Variants in XPO7 observed in about 807,000 individuals in gnomAD.
The protein encoded by XPO7 is exportin-7.
A neutral mutation model predicts 144.3 loss-of-function variants in XPO7; 21 were observed. The ratio of observed to expected loss-of-function variants is 0.15; its 90% confidence interval spans 0.10 to 0.21. The LOEUF is 0.21. Ranked by LOEUF, XPO7 falls within the 10% of genes least tolerant of loss-of-function variation. XPO7 has a pLI of 1.00. For synonymous variants in XPO7, 580 were observed against 499.6 expected (o/e 1.16, Z -2.15); for missense variants, 808 against 1,325.8 (o/e 0.61, Z 6.06).
At chr8:21,926,589 C>G (rs973068218) in intron 1 of XPO7, among the ~76,000 whole-genome samples, 16 of 151,248 alleles carry the variant, frequency 1.1e-4, no homozygotes, top group African/African-American at 3.9e-4. Flanking sequence ...TCTGCTAACT[C>G]CTGAACTTCA....
chr8:21,949,048 G>A (rs1405288891), intron 1 of XPO7, among the ~76,000 whole-genome samples: 1 of 152,160 alleles, frequency 6.6e-6, no homozygotes, highest in African/African-American at 2.4e-5. Context: ...ACAGATGAAA[G>A]TTTCCACAAG....
chr8:22,005,551 A>G lies in XPO7; in HGVS notation c.*463A>G, dbSNP rs2117417039. On this transcript the variant is annotated 3_prime_UTR_variant, in exon 28 of 28. Transcript: ENST00000252512. The stretch of plus-strand genomic sequence containing the variant: ...GAGGGGTTGTGTATGCGAGTGAAGA[A>G]AATGTGTATTCTGGTGGCCTGAAGC... 6.5e-6 allele frequency: 1 copy of G among 152,978 alleles called. No individual in the cohort carries two copies. Among genetic ancestry groups the G allele is most frequent in the Non-Finnish European group, 1.5e-5 (1 of 68,210 alleles). The allele number at this position is 152,978 out of a possible 1,614,324, so 9.5% of individuals were successfully genotyped here. A position where few individuals can be genotyped will look rare whatever the true frequency, so the allele number is the denominator to read the frequency against.
chr8:21,970,512 A>C (rs1812021505), intron 4 of XPO7, among the ~76,000 whole-genome samples: 1 of 152,206 alleles, frequency 6.6e-6, no homozygotes, highest in African/African-American at 2.4e-5. Flanking sequence ...GGCAAAAACA[A>C]ACCATGTCTC....
chr8:21,921,489 A>G (rs1810285980), intron 1 of XPO7: 2 of 152,154 alleles, frequency 1.3e-5, no homozygotes, highest in Admixed American at 1.3e-4. Context: ...ATGAATATAC[A>G]TCGTGCTATT....
At chr8:21,923,216 C>G (rs1017592869) in intron 1 of XPO7, among the ~76,000 whole-genome samples, 1 of 152,148 alleles carries the variant, frequency 6.6e-6, no homozygotes, top group African/African-American at 2.4e-5. Flanking sequence ...CTGTGCTGGG[C>G]ACTTCAGAGG....
chr8:21,919,737 A>AG lies in XPO7; in HGVS notation c.-27dup, dbSNP rs908748371. ...CCGGCCGAGGTGCGCGCTGGGGGGG[A>AG]GGGGGGGCCGGAGAGGAGCATGAAT... is the stretch of plus-strand genomic sequence containing the variant. On this transcript the variant is annotated 5_prime_UTR_variant, in exon 1 of 28. Coordinates refer to ENST00000252512, the MANE Select transcript of XPO7 (RefSeq NM_015024.5). 13 of 258,804 alleles carry AG rather than the reference A, an allele frequency of 5.0e-5. No individual in the cohort carries two copies. The highest frequency in any genetic ancestry group is 4.4e-4 in the South Asian group (3 of 6,876). 16.0% of individuals were successfully genotyped at this position (258,804 alleles called of 1,614,324 possible).
chr8:21,987,910 T>A, intron 15 of XPO7, 53 bp downstream of exon 15: 1 of 1,570,734 alleles, frequency 6.4e-7, no homozygotes, highest in South Asian at 1.1e-5. Context: ...CTGTTGCAAC[T>A]GTAAAATGTG....
chr8:21,927,977 T>C (rs920635663), intron 1 of XPO7, among the ~76,000 whole-genome samples: 2 of 152,242 alleles, frequency 1.3e-5, no homozygotes, highest in African/African-American at 4.8e-5. Context: ...CTTTCCTTTT[T>C]ACTAAAATTT....
intron 1 of XPO7, among the ~76,000 whole-genome samples, chr8:21,925,595 G>A (rs1251842001): frequency 2.6e-5 from 4 of 152,070 alleles, no homozygotes; most frequent in South Asian, 2.1e-4. Context: ...AGGGAAAGGG[G>A]GATACCAGTA....
At chr8:21,922,659 A>C (rs996335676) in intron 1 of XPO7, among the ~76,000 whole-genome samples, 1 of 152,186 alleles carries the variant, frequency 6.6e-6, no homozygotes, top group African/African-American at 2.4e-5. Flanking sequence ...TGTTAGTTTT[A>C]ATAGTGCTAG....
chr8:21,992,687 T>TA, intron 19 of XPO7, among the ~76,000 whole-genome samples: 1 of 152,320 alleles, frequency 6.6e-6, no homozygotes, highest in East Asian at 1.9e-4. Flanking sequence ...TGGCTAGGAT[T>TA]ATAGGCACGA....
intron 4 of XPO7, among the ~76,000 whole-genome samples, chr8:21,971,433 G>A (rs1165734231): frequency 6.6e-6 from 1 of 152,138 alleles, no homozygotes; most frequent in Non-Finnish European, 1.5e-5. Flanking sequence ...AGTGAGACTG[G>A]ATAAATTTTG....
intron 1 of XPO7, among the ~76,000 whole-genome samples, chr8:21,956,929 AC>A (rs1811555364): frequency 6.6e-6 from 1 of 152,058 alleles, no homozygotes; most frequent in Non-Finnish European, 1.5e-5. Context: ...TTCTGATAAT[AC>A]TTGATTATTT....
intron 1 of XPO7, among the ~76,000 whole-genome samples, chr8:21,963,415 AC>A (rs1188670400): frequency 1.3e-5 from 2 of 152,116 alleles, no homozygotes; most frequent in African/African-American, 4.8e-5. Flanking sequence ...AAAAGTATAG[AC>A]CGGGCACGGT....
At chr8:21,960,729 T>C (rs1267457432) in intron 1 of XPO7, among the ~76,000 whole-genome samples, 2 of 152,226 alleles carry the variant, frequency 1.3e-5, no homozygotes, top group Non-Finnish European at 2.9e-5. Context: ...CAACCAAAAG[T>C]GTTACTCACT....
chr8:22,001,776 GATAAC>G (rs1004466863), intron 24 of XPO7, among the ~76,000 whole-genome samples: 2 of 152,206 alleles, frequency 1.3e-5, no homozygotes, highest in Non-Finnish European at 2.9e-5. Flanking sequence ...ATAAATTAGA[GATAAC>G]ACCTATAAAG....
intron 1 of XPO7, among the ~76,000 whole-genome samples, chr8:21,925,188 C>T (rs572414563): frequency 6.6e-6 from 1 of 152,280 alleles, no homozygotes; most frequent in Non-Finnish European, 1.5e-5. Context: ...GATTGGTACC[C>T]AGGAGGCATA....
At chr8:21,977,736 A>T in intron 7 of XPO7, 34 bp from the exon 8 acceptor site, 1 of 1,607,200 alleles carries the variant, frequency 6.2e-7, no homozygotes, top group Non-Finnish European at 8.5e-7. Flanking sequence ...TTCATACTTA[A>T]TAAAGTGATG....
At chr8:21,973,979 A>G (rs901954230) in intron 5 of XPO7, among the ~76,000 whole-genome samples, 1 of 152,176 alleles carries the variant, frequency 6.6e-6, no homozygotes, top group Non-Finnish European at 1.5e-5. Flanking sequence ...TGTCATTTGT[A>G]AATTCTGCAG....
Sources: gnomAD v4.1 joint callset for allele counts (sites outside exome capture counted in the v4.1 genomes callset) on GRCh38, gnomAD v4.1.1 for gene constraint, MANE v1.5 for transcripts, NCBI Gene and HGNC (gene_info 2026-07-23, HGNC 2026-07-21) for gene names.